STAM: variants seen among roughly 807,000 people sequenced by gnomAD.
STAM encodes the protein signal transducing adapter molecule 1.
In STAM, 16 loss-of-function variants were observed where a neutral mutation model predicts 63.4. The ratio of observed to expected loss-of-function variants is 0.25; its 90% CI spans 0.17 to 0.38. The LOEUF (loss-of-function observed/expected upper bound fraction) is 0.38, where lower values mean the gene tolerates loss of function less well. Among genes scored for constraint, STAM ranks in the 10% least tolerant of loss-of-function variants. The pLI, the probability that STAM is intolerant of heterozygous loss-of-function variation, is 1.00. For synonymous variants in STAM, 238 were observed against 223.9 expected, an observed-to-expected ratio of 1.06 and a Z score of -0.56; for missense variants, 636 against 657.1, an observed-to-expected ratio of 0.97 and a Z score of 0.35.
rs141671460 is a variant in STAM, at chr10:17,667,018, C to A, written c.125+6470C>A. On this transcript the variant is annotated intron_variant, in intron 2 of 13. Transcript: ENST00000377524. ...TGAACATTTTGTTTGATTATCACAG[C>A]AGTTCTAGGTACTGTAGATTCTCTC... 1.7e-3 allele frequency among the ~76,000 whole-genome samples: 252 copies of A among 152,278 alleles called. 1 individual carries two copies. Among genetic ancestry groups the A allele is most frequent in the African/African-American group, 5.8e-3 (239 of 41,550 alleles).
intron 1 of STAM, among the ~76,000 whole-genome samples, chr10:17,648,834 T>C (rs2131554758): frequency 6.6e-6 from 1 of 152,328 alleles, no homozygotes; most frequent in Middle Eastern, 3.4e-3. Context: ...CCTATCCTAC[T>C]TAAAGGGAAA....
intron 9 of STAM, among the ~76,000 whole-genome samples, chr10:17,700,665 T>G (rs187837697): frequency 2.6e-5 from 4 of 152,000 alleles, no homozygotes; most frequent in African/African-American, 9.7e-5. Flanking sequence ...AGTTGAAGGA[T>G]TTGTGTATTT....
intron 12 of STAM, 102 bp from the exon 13 acceptor site, chr10:17,708,674 G>A (rs1373386046): frequency 8.4e-7 from 1 of 1,188,958 alleles, no homozygotes; most frequent in Non-Finnish European, 1.1e-6. Context: ...ATTCCAGAGT[G>A]GTGATTTTTC....
rs544367242 is a variant in STAM, at chr10:17,697,284, A to AT, written c.823+417dup. ...GAGGTCATTGTAAAAATGCAAATTC[A>AT]TTAAGAAGTCTTACAGAATTTATAC... is the stretch of plus-strand genomic sequence containing the variant. On this transcript the variant is annotated intron_variant, in intron 8 of 13. Transcript: ENST00000377524. Among the ~76,000 whole-genome samples, 29 of 152,342 alleles carry AT rather than the reference A, an allele frequency of 1.9e-4. No homozygotes were observed. The East Asian group carries it at 4.1e-3, about 21-fold the overall frequency.
chr10:17,683,037 T>C (rs552430952), intron 2 of STAM, among the ~76,000 whole-genome samples: 69 of 152,374 alleles, frequency 4.5e-4, no homozygotes, highest in African/African-American at 1.5e-3. Flanking sequence ...CGGTAGTGAA[T>C]AGATAAAAGT....
chr10:17,681,408 C>G (rs1333832214), intron 2 of STAM, among the ~76,000 whole-genome samples: 1 of 151,324 alleles, frequency 6.6e-6, no homozygotes, highest in Non-Finnish European at 1.5e-5. Context: ...TTTCTTTGTT[C>G]TTTCAGATTT....
intron 2 of STAM, among the ~76,000 whole-genome samples, chr10:17,676,675 CCT>C (rs1834869299): frequency 6.6e-6 from 1 of 151,912 alleles, no homozygotes; most frequent in African/African-American, 2.4e-5. Context: ...GCCTGCTGTT[CCT>C]CTGTTATGTC....
At chr10:17,666,514 C>T (rs1296334816) in intron 2 of STAM, among the ~76,000 whole-genome samples, 1 of 151,496 alleles carries the variant, frequency 6.6e-6, no homozygotes, top group East Asian at 1.9e-4. Context: ...CCCGCCTCAG[C>T]CTCCTGAGTA....
rs879980820 is a variant in STAM, at chr10:17,715,828, T to A, written c.*1048T>A. 4 of 152,624 alleles carry A rather than the reference T, an allele frequency of 2.6e-5. No homozygotes were observed. The highest frequency in any genetic ancestry group is 5.9e-5 in the Non-Finnish European group (4 of 68,018). 9.5% of individuals were successfully genotyped at this position (152,624 alleles called of 1,614,324 possible). A position where few individuals can be genotyped will look rare whatever the true frequency, so the allele number is the denominator to read the frequency against. ...AATTTGATTCGTCTGTCTAATCCCT[T>A]GCTAGTATTTTAAATATGTCTTTAA... is the stretch of plus-strand genomic sequence containing the variant. On this transcript the variant is annotated 3_prime_UTR_variant, in exon 14 of 14. Transcript: ENST00000377524.
At chr10:17,661,704 T>C (rs537085394) in intron 2 of STAM, among the ~76,000 whole-genome samples, 1 of 152,336 alleles carries the variant, frequency 6.6e-6, no homozygotes, top group Admixed American at 6.5e-5. Context: ...TTCACATTTA[T>C]TACTCAATTC....
intron 13 of STAM, 103 bp from the exon 14 acceptor site, chr10:17,714,440 A>G (rs1836711180): frequency 9.1e-7 from 1 of 1,094,554 alleles, no homozygotes; most frequent in Non-Finnish European, 1.4e-6. Flanking sequence ...TTATTAAATG[A>G]ATTGACTATA....
intron 8 of STAM, among the ~76,000 whole-genome samples, chr10:17,699,458 G>C (rs1004393162): frequency 7.2e-5 from 11 of 152,138 alleles, no homozygotes; most frequent in Admixed American, 6.5e-5. Flanking sequence ...AGTATTTGGA[G>C]GTTGTTATAT....
intron 12 of STAM, among the ~76,000 whole-genome samples, chr10:17,707,916 A>C (rs1279240422): frequency 8.1e-5 from 12 of 149,014 alleles, no homozygotes; most frequent in African/African-American, 3.0e-4. Context: ...TTTGAGACGG[A>C]GTCTTGCTTT....
At chr10:17,705,524 AT>A in intron 11 of STAM, 63 bp from the exon 12 acceptor site, 1 of 1,524,016 alleles carries the variant, frequency 6.6e-7, no homozygotes, top group South Asian at 1.3e-5. Flanking sequence ...TTGATGTATC[AT>A]TATTTAGAGC....
At chr10:17,667,968 T>C (rs1834464356) in intron 2 of STAM, among the ~76,000 whole-genome samples, 1 of 152,198 alleles carries the variant, frequency 6.6e-6, no homozygotes, top group African/African-American at 2.4e-5. Flanking sequence ...AAGATGATGG[T>C]TGGAAGGTAG....
intron 4 of STAM, among the ~76,000 whole-genome samples, chr10:17,686,153 A>C (rs1164390475): frequency 6.6e-6 from 1 of 152,144 alleles, no homozygotes; most frequent in Non-Finnish European, 1.5e-5. Flanking sequence ...ATTAATAAAC[A>C]TTGTCTTTTA....
chr10:17,685,882 C>G (rs1835273617), intron 4 of STAM, among the ~76,000 whole-genome samples: 1 of 152,074 alleles, frequency 6.6e-6, no homozygotes, highest in Admixed American at 6.5e-5. Context: ...GTGAGTTTCC[C>G]CAGTAAAAAT....
chr10:17,663,247 C>A (rs1284410896), intron 2 of STAM, among the ~76,000 whole-genome samples: 2 of 151,884 alleles, frequency 1.3e-5, no homozygotes, highest in Admixed American at 6.6e-5. Flanking sequence ...TATTTTATTT[C>A]CTTTCATATT....
At chr10:17,654,621 T>G (rs1833868866) in intron 1 of STAM, among the ~76,000 whole-genome samples, 1 of 152,206 alleles carries the variant, frequency 6.6e-6, no homozygotes, top group Non-Finnish European at 1.5e-5. Flanking sequence ...GCACTTAGAC[T>G]GAGAGCATGG....
Sources: allele counts gnomAD v4.1 joint callset (sites outside exome capture counted in the v4.1 genomes callset), GRCh38; gene constraint gnomAD v4.1.1; transcripts MANE v1.5; gene names NCBI Gene and HGNC (gene_info 2026-07-23, HGNC 2026-07-21).